MFSD2B: variants seen among roughly 807,000 people sequenced by gnomAD.
The protein encoded by MFSD2B is MFSD2 lysolipid transporter B, sphingolipid.
Under a neutral mutation model 58.4 loss-of-function variants are expected in MFSD2B, and 56 were observed. That is an observed-to-expected ratio of 0.96 (90% CI 0.77 to 1.20). The LOEUF (loss-of-function observed/expected upper bound fraction) is 1.20. MFSD2B is among the 50% of genes most tolerant of loss of function. The pLI is 0.00. For missense variants in MFSD2B, 645 were observed against 667.6 expected, an observed-to-expected ratio of 0.97 and a Z score of 0.37; for synonymous variants, 287 against 294.4, an observed-to-expected ratio of 0.97 and a Z score of 0.26.
chr2:24,016,019 G>A (rs1709131158), intron 2 of MFSD2B, 137 bp from the exon 3 acceptor site: 1 of 1,078,940 alleles, frequency 9.3e-7, no homozygotes, highest in Non-Finnish European at 1.4e-6. Flanking sequence ...CCTGGGGAAG[G>A]CTGAGGAGCC....
chr2:24,017,627 C>A lies in MFSD2B; in HGVS notation c.681+39C>A. 1 of 1,520,472 alleles carries A rather than the reference C, an allele frequency of 6.6e-7. No individual in the cohort carries two copies. Among genetic ancestry groups the A allele is most frequent in the Non-Finnish European group, 8.8e-7 (1 of 1,130,112 alleles). The allele number at this position is 1,520,472 out of a possible 1,614,324, so 94.2% of individuals were successfully genotyped here. A position where few individuals can be genotyped will look rare whatever the true frequency, so the allele number is the denominator to read the frequency against. On this transcript the variant is annotated intron_variant, in intron 6 of 13. Coordinates refer to ENST00000338315, the MANE Select transcript of MFSD2B (RefSeq NM_001346880.2). The surrounding 1 kb of genome is among the most constrained non-coding windows in gnomAD (Gnocchi z 4.8). ...GTGGCAAGGCCCCCCAACCTGGGGT[C>A]CCCTCTGCAGGGTCACCTCCTTCCT...
chr2:24,021,577 C>G lies in MFSD2B; in HGVS notation c.682-71C>G. 7.1e-7 allele frequency: 1 copy of G among 1,413,952 alleles called. No homozygotes were observed. Among genetic ancestry groups the G allele is most frequent in the East Asian group, 2.4e-5 (1 of 40,860 alleles). The allele number at this position is 1,413,952 out of a possible 1,614,324, so 87.6% of individuals were successfully genotyped here. On this transcript the variant is annotated intron_variant, in intron 6 of 13. Coordinates refer to ENST00000338315, the MANE Select transcript of MFSD2B (RefSeq NM_001346880.2). The surrounding 1 kb of genome is among the most constrained non-coding windows in gnomAD (Gnocchi z 5.7). ...CGCTCCCACTGGGAGGCAGTACTGC[C>G]CTGCCCCTCCGGTGTCACCACCTCC...
rs1166971981 is a variant in MFSD2B at position 24,024,191 on chromosome 2, T to C, written c.1410T>C (p.Leu470=). The stretch of plus-strand genomic sequence containing the variant: ...GCGCCGTGCCCACCTGCATGATCCT[T>C]GCTGGGCTCTGCATCCTCATGGTCG... The part of the protein sequence containing the change: ...LIGAVPTCMI[L]AGLCILMVGS... The change falls in exon 13 of 14, where the codon CTT becomes CTC. Residue 470 remains leucine (L), a synonymous_variant. Transcript: ENST00000338315. This position sits in a 1 kb window ranked among gnomAD's most constrained non-coding sequence, Gnocchi z 4.3. The C allele has an allele frequency of 1.9e-6, 3 of 1,613,630 alleles. No homozygotes were observed. Among genetic ancestry groups the C allele is most frequent in the Non-Finnish European group, 2.5e-6 (3 of 1,179,808 alleles).
chr2:24,022,979 C>T lies in MFSD2B; in HGVS notation c.1059+77C>T, dbSNP rs541050411. 2.8e-6 allele frequency: 4 copies of T among 1,443,546 alleles called. No individual in the cohort carries two copies. In the Admixed American group the frequency reaches 5.4e-5, roughly 20 times the overall value. 89.4% of individuals were successfully genotyped at this position (1,443,546 alleles called of 1,614,324 possible). ...CGAGGTGACCTTGGTGCCTGAGCCT[C>T]CTGGGGCCAGCAGGGGTGGATCTGT... On this transcript the variant is annotated intron_variant, in intron 10 of 13. Transcript: ENST00000338315. This position sits in a 1 kb window ranked among gnomAD's most constrained non-coding sequence, Gnocchi z 4.5.
chr2:24,018,737 GT>G (rs1164184177), intron 6 of MFSD2B: 1 of 168,736 alleles, frequency 5.9e-6, no homozygotes. Context: ...AAAAAAAGGA[GT>G]TTGAGCATGG....
At position 24,020,515 on chromosome 2, in the gene MFSD2B, T is replaced by C. The variant is rs113210645; in HGVS notation, c.682-1133T>C. 8.3e-3 allele frequency among the ~76,000 whole-genome samples: 1,263 copies of C among 152,138 alleles called. 10 individuals carry two copies. The highest frequency in any genetic ancestry group is 0.039 in the South Asian group (187 of 4,820). ...ACTCTCGTGCATGTCTTTATAGGCATTTTAATGCATATGTATTCTTCTCTG... is the reference window on the plus strand; with the variant it reads ...ACTCTCGTGCATGTCTTTATAGGCACTTTAATGCATATGTATTCTTCTCTG... On this transcript the variant is annotated intron_variant, in intron 6 of 13. Transcript: ENST00000338315. This position sits in a 1 kb window ranked among gnomAD's most constrained non-coding sequence, Gnocchi z 4.1.
At position 24,023,990 on chromosome 2, in the gene MFSD2B, T is replaced by C. The variant is rs1232203967; in HGVS notation, c.1314-105T>C. On this transcript the variant is annotated intron_variant, in intron 12 of 13. Transcript: ENST00000338315. The surrounding 1 kb of genome is among the most constrained non-coding windows in gnomAD (Gnocchi z 5.0). ...CTCCTGATCTGACCAGGAAATGAAG[T>C]CCACGTTTCAGGAGGGGGTGGGGTG... 8.3e-7 allele frequency: 1 copy of C among 1,200,036 alleles called. No individual in the cohort carries two copies. The highest frequency in any genetic ancestry group is 1.2e-6 in the Non-Finnish European group (1 of 845,618). The allele number at this position is 1,200,036 out of a possible 1,614,324, so 74.3% of individuals were successfully genotyped here.
At chr2:24,014,842 G>A (rs72781679) in intron 2 of MFSD2B, among the ~76,000 whole-genome samples, 16,030 of 152,172 alleles carry the variant, frequency 0.11, 955 homozygotes, top group Middle Eastern at 0.18. Flanking sequence ...GTATCCAGCC[G>A]AGCATGGTGG....
Position 24,025,880 on chromosome 2 carries a change from C to T in MFSD2B, c.*424C>T, listed in dbSNP as rs181667594. The T allele has an allele frequency of 1.3e-4, 21 of 164,146 alleles. No individual in the cohort carries two copies. In the East Asian group the frequency reaches 1.7e-3, roughly 13 times the overall value. The allele number at this position is 164,146 out of a possible 1,614,324, so 10.2% of individuals were successfully genotyped here. ...CTGGGACTACAGGTGCCCGCCACCACGCCCAGCTAATTTTTGTATTTTTAG... is the reference window on the plus strand; with the variant it reads ...CTGGGACTACAGGTGCCCGCCACCATGCCCAGCTAATTTTTGTATTTTTAG... On this transcript the variant is annotated 3_prime_UTR_variant, in exon 14 of 14. Coordinates refer to ENST00000338315, the MANE Select transcript of MFSD2B (RefSeq NM_001346880.2).
intron 1 of MFSD2B, 130 bp from the exon 2 acceptor site, chr2:24,013,155 T>G: frequency 1.1e-6 from 1 of 894,642 alleles, no homozygotes; most frequent in Non-Finnish European, 1.5e-6. Context: ...GGGGGCAAAA[T>G]GGGGCTGAGA....
At chr2:24,015,098 G>T (rs1480175644) in intron 2 of MFSD2B, among the ~76,000 whole-genome samples, 1 of 148,836 alleles carries the variant, frequency 6.7e-6, no homozygotes, top group East Asian at 2.0e-4. Context: ...CAGCCTGGGC[G>T]ACAGAGCAAG....
In MFSD2B at chr2:24,026,328, G is replaced by A. The variant is rs1662977855; in HGVS notation, c.*872G>A. 1 of 152,220 alleles carries A rather than the reference G, an allele frequency of 6.6e-6. No homozygotes were observed. The highest frequency in any genetic ancestry group is 2.4e-5 in the African/African-American group (1 of 41,460). 9.4% of individuals were successfully genotyped at this position (152,220 alleles called of 1,614,324 possible). On this transcript the variant is annotated 3_prime_UTR_variant, in exon 14 of 14. Coordinates refer to ENST00000338315, the MANE Select transcript of MFSD2B (RefSeq NM_001346880.2). ...GTCTCTGCCCCAGGTTCCTGGCACA[G>A]AGCTTCTAAAATGCTAGTAACTTCC...
chr2:24,014,304 G>A (rs545591231), intron 2 of MFSD2B, among the ~76,000 whole-genome samples: 11 of 152,174 alleles, frequency 7.2e-5, no homozygotes, highest in East Asian at 3.9e-4. Context: ...GGACCACCGC[G>A]CCCAGTCTAC....
At chr2:24,013,214 T>C (rs2150937291) in intron 1 of MFSD2B, 71 bp from the exon 2 acceptor site, 1 of 1,453,154 alleles carries the variant, frequency 6.9e-7, no homozygotes, top group South Asian at 1.5e-5. Flanking sequence ...GGATGTTTAC[T>C]GAAGTCATGG....
rs1709175712 is a variant in MFSD2B, at chr2:24,017,066, C to T, written c.471+98C>T. The stretch of plus-strand genomic sequence containing the variant: ...TGTGGGGGCAGGGCTGCCGCCCTCC[C>T]CACCCGCCTGTGCCTGGACCATGCC... On this transcript the variant is annotated intron_variant, in intron 4 of 13. Transcript: ENST00000338315. The surrounding 1 kb of genome is among the most constrained non-coding windows in gnomAD (Gnocchi z 4.8). 6.8e-7 allele frequency: 1 copy of T among 1,478,044 alleles called. No homozygotes were observed. Among genetic ancestry groups the T allele is most frequent in the African/African-American group, 1.4e-5 (1 of 72,108 alleles). The allele number at this position is 1,478,044 out of a possible 1,614,324, so 91.6% of individuals were successfully genotyped here. A position where few individuals can be genotyped will look rare whatever the true frequency, so the allele number is the denominator to read the frequency against.
chr2:24,023,838 C>G lies in MFSD2B; in HGVS notation c.1313+112C>G. The G allele has an allele frequency of 7.5e-7, 1 of 1,332,112 alleles. No homozygotes were observed. The highest frequency in any genetic ancestry group is 1.0e-6 in the Non-Finnish European group (1 of 958,986). 82.5% of individuals were successfully genotyped at this position (1,332,112 alleles called of 1,614,324 possible). Reference sequence around the variant, plus strand: ...CATCCATGAGCCTGGGGCCTAAGCGCTACTCTTTGGAGAGTGTGGGGAACC... The same window carrying G: ...CATCCATGAGCCTGGGGCCTAAGCGGTACTCTTTGGAGAGTGTGGGGAACC... On this transcript the variant is annotated intron_variant, in intron 12 of 13. Coordinates refer to ENST00000338315, the MANE Select transcript of MFSD2B (RefSeq NM_001346880.2). The surrounding 1 kb of genome is among the most constrained non-coding windows in gnomAD (Gnocchi z 5.0).
chr2:24,017,136 C>T lies in MFSD2B; in HGVS notation c.472-150C>T. 7.9e-7 allele frequency: 1 copy of T among 1,261,490 alleles called. No individual in the cohort carries two copies. The highest frequency in any genetic ancestry group is 1.4e-5 in the South Asian group (1 of 70,364). The allele number at this position is 1,261,490 out of a possible 1,614,324, so 78.1% of individuals were successfully genotyped here. Reference sequence around the variant, plus strand: ...GCGCGGGACTGGCTGCCCCCTCCTGCCTTTGGGACCCTAGCTCCGACTTCA... The same window carrying T: ...GCGCGGGACTGGCTGCCCCCTCCTGTCTTTGGGACCCTAGCTCCGACTTCA... On this transcript the variant is annotated intron_variant, in intron 4 of 13. Transcript: ENST00000338315. This position sits in a 1 kb window ranked among gnomAD's most constrained non-coding sequence, Gnocchi z 4.8.
Position 24,016,840 on chromosome 2 carries a change from C to T in MFSD2B, c.348-5C>T, listed in dbSNP as rs757923557. On this transcript the variant is annotated splice_region_variant and splice_polypyrimidine_tract_variant and intron_variant, in intron 3 of 13. Transcript: ENST00000338315. ...GGCCGCTCCACCTCGGCTGTGCTTC[C>T]GCAGGGTGCTGGGCTGCACCCCCTT... 1.4e-5 allele frequency: 23 copies of T among 1,612,804 alleles called. No homozygotes were observed. The East Asian group carries it at 1.6e-4, about 11-fold the overall frequency.
rs755768317 is a variant in MFSD2B at position 24,017,008 on chromosome 2, C to G, written c.471+40C>G. ...TTCCTGGGCCTGTGCTCTGGCGAAG[C>G]CCATTGCTGGCCATGGCCACTCTGA... On this transcript the variant is annotated intron_variant, in intron 4 of 13. Transcript: ENST00000338315. The surrounding 1 kb of genome is among the most constrained non-coding windows in gnomAD (Gnocchi z 4.8). 5.0e-6 allele frequency: 8 copies of G among 1,610,504 alleles called. No homozygotes were observed. The Admixed American group carries it at 1.3e-4, about 27-fold the overall frequency.
Sources: allele counts gnomAD v4.1 joint callset (sites outside exome capture counted in the v4.1 genomes callset), GRCh38; gene constraint gnomAD v4.1.1; non-coding constraint Gnocchi (gnomAD v3.1); transcripts MANE v1.5; gene names NCBI Gene and HGNC (gene_info 2026-07-23, HGNC 2026-07-21).